The following NSMCE1 variants were observed in gnomAD, a reference collection of about 807,000 sequenced individuals.
The protein encoded by NSMCE1 is non-structural maintenance of chromosomes element 1 homolog.
In NSMCE1, 18 loss-of-function variants were observed where a neutral mutation model predicts 29.6. The ratio of observed to expected loss-of-function variants is 0.61; its 90% CI spans 0.42 to 0.90. The LOEUF is 0.90. NSMCE1 is among the 40% of genes least tolerant of loss of function. The pLI is 0.00. For missense variants in NSMCE1, 314 were observed against 343.6 expected, an observed-to-expected ratio of 0.91 and a Z score of 0.68; for synonymous variants, 124 against 133.4, an observed-to-expected ratio of 0.93 and a Z score of 0.49.
At chr16:27,228,402 T>TGGTCCTCA (rs1450083934) in intron 5 of NSMCE1, among the ~76,000 whole-genome samples, 1 of 152,034 alleles carries the variant, frequency 6.6e-6, no homozygotes, top group Non-Finnish European at 1.5e-5. Context: ...GCCCCCAGGC[T>TGGTCCTCA]GTCCTCGGTC....
chr16:27,242,420 C>CT (rs2083905292), intron 2 of NSMCE1, among the ~76,000 whole-genome samples: 1 of 149,756 alleles, frequency 6.7e-6, no homozygotes, highest in Non-Finnish European at 1.5e-5. Flanking sequence ...ATCAGAAAAT[C>CT]TGCTCTTTAG....
chr16:27,229,604 C>T (rs574215577), intron 5 of NSMCE1, among the ~76,000 whole-genome samples: 14 of 152,276 alleles, frequency 9.2e-5, no homozygotes, highest in South Asian at 4.1e-4. Flanking sequence ...GACAGAGTTT[C>T]GCTCTTGTTG....
intron 2 of NSMCE1, among the ~76,000 whole-genome samples, chr16:27,244,332 G>A (rs141340104): frequency 2.9e-3 from 443 of 152,354 alleles, no homozygotes; most frequent in Non-Finnish European, 4.9e-3. Context: ...ACAGGCGCAC[G>A]CCCTTCCCTT....
intron 2 of NSMCE1, among the ~76,000 whole-genome samples, chr16:27,237,929 TC>T (rs1356183682): frequency 1.3e-5 from 2 of 152,114 alleles, no homozygotes; most frequent in Non-Finnish European, 2.9e-5. Context: ...GCTTGGGCGC[TC>T]CCGTTCTCTC....
intron 2 of NSMCE1, among the ~76,000 whole-genome samples, chr16:27,245,952 A>T (rs2083952150): frequency 1.3e-5 from 2 of 152,214 alleles, no homozygotes; most frequent in African/African-American, 4.8e-5. Context: ...TACAAATAGG[A>T]CTACAGACAG....
intron 2 of NSMCE1, among the ~76,000 whole-genome samples, chr16:27,255,397 T>C (rs1242326577): frequency 6.6e-6 from 1 of 152,234 alleles, no homozygotes. Flanking sequence ...AAAAAGCCAT[T>C]ACTATGGTGT....
chr16:27,246,413 C>T lies in NSMCE1; in HGVS notation c.136+11022G>A, dbSNP rs144442437. ...TAGTGCTGGAGAGTATAGAACTGTA[C>T]CTCACAGCAGTCTGGCAACCATAAA... is the stretch of plus-strand genomic sequence containing the variant. On this transcript the variant is annotated intron_variant, in intron 2 of 7. Coordinates refer to ENST00000361439, the MANE Select transcript of NSMCE1 (RefSeq NM_145080.4). 1.4e-4 allele frequency among the ~76,000 whole-genome samples: 21 copies of T among 152,284 alleles called. No individual in the cohort carries two copies. The East Asian group carries it at 3.9e-3, about 28-fold the overall frequency.
chr16:27,231,913 C>T (rs2083766596), intron 5 of NSMCE1, among the ~76,000 whole-genome samples: 2 of 152,178 alleles, frequency 1.3e-5, no homozygotes, highest in African/African-American at 4.8e-5. Flanking sequence ...GCCTCCAAGA[C>T]ATGACATACG....
intron 2 of NSMCE1, among the ~76,000 whole-genome samples, chr16:27,244,949 C>T (rs1252255443): frequency 6.6e-6 from 1 of 152,154 alleles, no homozygotes; most frequent in Non-Finnish European, 1.5e-5. Context: ...CTAGGAAAAC[C>T]CCAAGAGAAT....
intron 2 of NSMCE1, among the ~76,000 whole-genome samples, chr16:27,244,631 G>A (rs565871398): frequency 1.3e-5 from 2 of 150,354 alleles, no homozygotes; most frequent in South Asian, 2.1e-4. Flanking sequence ...CTCATCACCC[G>A]AGCATCGCCA....
intron 1 of NSMCE1, among the ~76,000 whole-genome samples, chr16:27,261,222 G>T (rs2084154696): frequency 7.0e-6 from 1 of 143,600 alleles, no homozygotes. Context: ...TCCAAAGAAA[G>T]GTAAAATGAG....
chr16:27,238,857 A>G (rs1596679219), intron 2 of NSMCE1, among the ~76,000 whole-genome samples: 2 of 150,370 alleles, frequency 1.3e-5, no homozygotes, highest in East Asian at 3.9e-4. Context: ...CCCTCCCCCA[A>G]TAGCATCCCG....
chr16:27,260,884 G>C (rs1011107981), intron 1 of NSMCE1, among the ~76,000 whole-genome samples: 1 of 114,832 alleles, frequency 8.7e-6, no homozygotes, highest in Admixed American at 7.9e-5. Context: ...AAGGTTGCGG[G>C]GGCTGGTCGT....
At chr16:27,237,893 C>T (rs1184840888) in intron 2 of NSMCE1, among the ~76,000 whole-genome samples, 1 of 152,158 alleles carries the variant, frequency 6.6e-6, no homozygotes, top group Non-Finnish European at 1.5e-5. Context: ...TCCTACTGTA[C>T]TCGCTCACTG....
At chr16:27,225,302 G>A in intron 7 of NSMCE1, 66 bp from the exon 8 acceptor site, 2 of 931,318 alleles carry the variant, frequency 2.1e-6, no homozygotes, top group Non-Finnish European at 1.7e-6. Flanking sequence ...GGCACCAGCT[G>A]GAGCCAGCAG....
intron 2 of NSMCE1, among the ~76,000 whole-genome samples, chr16:27,246,377 T>G (rs2083959043): frequency 6.6e-6 from 1 of 152,232 alleles, no homozygotes; most frequent in Non-Finnish European, 1.5e-5. Flanking sequence ...GTGTAATTAG[T>G]TCTAAAATGT....
chr16:27,257,498 G>A lies in NSMCE1; in HGVS notation c.73C>T (p.His25Tyr). The A allele has an allele frequency of 6.2e-7, 1 of 1,613,970 alleles. No homozygotes were observed. The highest frequency in any genetic ancestry group is 1.1e-5 in the South Asian group (1 of 91,074). ...ACGTCCCATTCCTCTAGCACGCCAT[G>A]GGTCATCAGCAACTGGAGGAAGCGC... ...HRRFLQLLMT[H>Y]GVLEEWDVKR... Residue 25 changes from histidine (H) to tyrosine (Y), a missense_variant, in exon 2 of 8, where the codon CAT becomes TAT. His to Tyr is a moderately conservative substitution (Grantham distance 83). Coordinates refer to ENST00000361439, the MANE Select transcript of NSMCE1 (RefSeq NM_145080.4).
chr16:27,237,001 C>T (rs565493634), intron 2 of NSMCE1, among the ~76,000 whole-genome samples: 55 of 151,892 alleles, frequency 3.6e-4, no homozygotes, highest in African/African-American at 1.3e-3. Context: ...GAGGATGTGG[C>T]CGTGTGAAAG....
chr16:27,237,215 C>A (rs12445506), intron 2 of NSMCE1, among the ~76,000 whole-genome samples: 30,378 of 152,146 alleles, frequency 0.2, 3,510 homozygotes, highest in East Asian at 0.42. Flanking sequence ...GTGGTGAGAT[C>A]GTAACATATG....
Sources: allele counts gnomAD v4.1 joint callset (sites outside exome capture counted in the v4.1 genomes callset), GRCh38; gene constraint gnomAD v4.1.1; transcripts MANE v1.5; gene names NCBI Gene and HGNC (gene_info 2026-07-23, HGNC 2026-07-21).